The following LIMS2 variants were observed in gnomAD, a reference collection of about 807,000 sequenced individuals.
LIMS2 encodes LIM zinc finger domain containing 2, also known as LIM and senescent cell antigen-like-containing domain protein 2.
In LIMS2, 30 loss-of-function variants were observed where a neutral mutation model predicts 45.3. The observed-to-expected ratio is 0.66, with a 90% CI of 0.50 to 0.90. The LOEUF is 0.90. Among genes scored for constraint, LIMS2 ranks in the 40% least tolerant of loss-of-function variants. The pLI is 0.00. For missense variants in LIMS2, 485 were observed against 468.7 expected (o/e 1.03, Z -0.32); for synonymous variants, 173 against 188.0 (o/e 0.92, Z 0.65).
Position 127,675,002 on chromosome 2 carries a change from G to GT in LIMS2, c.11+11_11+12insA. 8.1e-7 allele frequency: 1 copy of GT among 1,229,812 alleles called. No homozygotes were observed. The highest frequency in any genetic ancestry group is 1.0e-6 in the Non-Finnish European group (1 of 985,564). 76.2% of individuals were successfully genotyped at this position (1,229,812 alleles called of 1,614,324 possible). A position where few individuals can be genotyped will look rare whatever the true frequency, so the allele number is the denominator to read the frequency against. ...GCCTCCCCGGCCCGGGGGCGTGGGT[G>GT]GGGGCCGTTACCTTCCCGTCATGGT... On this transcript the variant is annotated intron_variant, in intron 1 of 9. Coordinates refer to ENST00000355119, the MANE Select transcript of LIMS2 (RefSeq NM_001161403.3).
At position 127,647,561 on chromosome 2, in the gene LIMS2, C is replaced by T. The variant is rs1330449105; in HGVS notation, c.360-4489G>A. Among the ~76,000 whole-genome samples the T allele has an allele frequency of 6.6e-6, 1 of 152,138 alleles. No homozygotes were observed. The highest frequency in any genetic ancestry group is 2.4e-5 in the African/African-American group (1 of 41,434). On this transcript the variant is annotated intron_variant, in intron 4 of 9. Coordinates refer to ENST00000355119, the MANE Select transcript of LIMS2 (RefSeq NM_001161403.3). This position sits in a 1 kb window ranked among gnomAD's most constrained non-coding sequence, Gnocchi z 4.3. ...GTGATGCCTGCACTGTGGGGCACAG[C>T]ACAGGCCTGAGGGACAGCCTGGGGT...
intron 2 of LIMS2, among the ~76,000 whole-genome samples, chr2:127,656,672 C>G (rs1684277774): frequency 6.6e-6 from 1 of 152,220 alleles, no homozygotes; most frequent in Non-Finnish European, 1.5e-5. Flanking sequence ...GCCTCCGCCT[C>G]CCAAAGTGCT....
chr2:127,672,391 G>A lies in LIMS2; in HGVS notation c.11+2623C>T. Among the ~76,000 whole-genome samples the A allele has an allele frequency of 6.6e-6, 1 of 152,010 alleles. No individual in the cohort carries two copies. The highest frequency in any genetic ancestry group is 1.9e-4 in the East Asian group (1 of 5,184). ...GGCTGCCTTCACTCCCTGCCCAGCTGGCTACTCCTGGGCTTCAGCCCCTCC... is the reference window on the plus strand; with the variant it reads ...GGCTGCCTTCACTCCCTGCCCAGCTAGCTACTCCTGGGCTTCAGCCCCTCC... On this transcript the variant is annotated intron_variant, in intron 1 of 9. Coordinates refer to ENST00000355119, the MANE Select transcript of LIMS2 (RefSeq NM_001161403.3). The surrounding 1 kb of genome is among the most constrained non-coding windows in gnomAD (Gnocchi z 4.9).
At chr2:127,657,273 A>G (rs1684319318) in intron 2 of LIMS2, 130 bp downstream of exon 2, 1 of 1,061,984 alleles carries the variant, frequency 9.4e-7, no homozygotes. Context: ...CAGGAGCTCA[A>G]GCCTGGTTCT....
At chr2:127,673,790 G>T in intron 1 of LIMS2, 1 of 1,530,446 alleles carries the variant, frequency 6.5e-7, no homozygotes, top group Non-Finnish European at 8.9e-7. Context: ...GGGATGCTCT[G>T]AGGAAAATGG....
Position 127,645,767 on chromosome 2 carries a change from C to T in LIMS2, c.360-2695G>A, listed in dbSNP as rs1380750053. On this transcript the variant is annotated intron_variant, in intron 4 of 9. Coordinates refer to ENST00000355119, the MANE Select transcript of LIMS2 (RefSeq NM_001161403.3). ...CCTCCCACCCTCCGTTCACAGGCCC[C>T]CTCCGCCGTCTGCGGGCGCAGGCCT... 2.0e-5 allele frequency: 3 copies of T among 152,282 alleles called. No homozygotes were observed. In the East Asian group the frequency reaches 5.8e-4, roughly 29 times the overall value. 9.4% of individuals were successfully genotyped at this position (152,282 alleles called of 1,614,324 possible). A position where few individuals can be genotyped will look rare whatever the true frequency, so the allele number is the denominator to read the frequency against.
intron 4 of LIMS2, among the ~76,000 whole-genome samples, chr2:127,645,073 A>AACAC (rs1352338217): frequency 6.6e-6 from 1 of 152,074 alleles, no homozygotes; most frequent in African/African-American, 2.4e-5. Flanking sequence ...AGAAAAACAA[A>AACAC]ACACACACAC....
At chr2:127,678,453 G>A (rs2105353350), upstream of LIMS2, among the ~76,000 whole-genome samples, 1 of 152,336 alleles carries the variant, frequency 6.6e-6, no homozygotes, top group Middle Eastern at 3.4e-3. The surrounding 1 kb of genome is among the most constrained non-coding windows in gnomAD (Gnocchi z 5.3). Context: ...GTCCCTAGCT[G>A]CTGTGTGGCC....
Position 127,638,963 on chromosome 2 carries a change from G to A in LIMS2, c.*318C>T. The A allele has an allele frequency of 3.0e-6, 1 of 329,052 alleles. No homozygotes were observed. Among genetic ancestry groups the A allele is most frequent in the East Asian group, 6.9e-5 (1 of 14,454 alleles). The allele number at this position is 329,052 out of a possible 1,614,324, so 20.4% of individuals were successfully genotyped here. ...CCTGGGGAGGGCCAGGCCAGGCGGG[G>A]AGCTGTGGTGCAATTTGCTCCTGTC... On this transcript the variant is annotated 3_prime_UTR_variant, in exon 10 of 10. Coordinates refer to ENST00000355119, the MANE Select transcript of LIMS2 (RefSeq NM_001161403.3).
chr2:127,643,548 T>C (rs971246415), intron 4 of LIMS2: 2 of 456,660 alleles, frequency 4.4e-6, no homozygotes, highest in Admixed American at 2.3e-5. Flanking sequence ...GTACAGGCGA[T>C]TTCTGTCTCC....
chr2:127,649,852 C>T lies in LIMS2; in HGVS notation c.359+4572G>A, dbSNP rs192775521. On this transcript the variant is annotated intron_variant, in intron 4 of 9. Transcript: ENST00000355119. Reference sequence around the variant, plus strand: ...GGGGCTGCAGATCCGTCCTCAACAGCGCTGGCCAGTGTCTCTGACGCTGGG... The same window carrying T: ...GGGGCTGCAGATCCGTCCTCAACAGTGCTGGCCAGTGTCTCTGACGCTGGG... 2.5e-3 allele frequency: 1,644 copies of T among 648,294 alleles called. 22 individuals carry two copies. In the East Asian group the frequency reaches 0.026, roughly 10 times the overall value. The allele number at this position is 648,294 out of a possible 1,614,324, so 40.2% of individuals were successfully genotyped here. A position where few individuals can be genotyped will look rare whatever the true frequency, so the allele number is the denominator to read the frequency against.
chr2:127,641,074 C>T (rs1682361011), intron 6 of LIMS2, 86 bp from the exon 7 acceptor site: 2 of 1,080,932 alleles, frequency 1.9e-6, no homozygotes, highest in African/African-American at 3.1e-5. Context: ...CAACAGTGAC[C>T]CCAGGAGCCA....
In LIMS2 at chr2:127,664,285, GC is replaced by G; in HGVS notation, c.12-6724del. On this transcript the variant is annotated intron_variant, in intron 1 of 9. Coordinates refer to ENST00000355119, the MANE Select transcript of LIMS2 (RefSeq NM_001161403.3). The surrounding 1 kb of genome is among the most constrained non-coding windows in gnomAD (Gnocchi z 5.5). ...TTTCCGGCCATTGTCCCCGCCACCC[GC>G]CCCGCCCCTGGCCACCTACCCCGTG... 1.6e-6 allele frequency: 2 copies of G among 1,232,954 alleles called. No individual in the cohort carries two copies. The highest frequency in any genetic ancestry group is 3.7e-5 in the South Asian group (1 of 27,378). The allele number at this position is 1,232,954 out of a possible 1,614,324, so 76.4% of individuals were successfully genotyped here. A position where few individuals can be genotyped will look rare whatever the true frequency, so the allele number is the denominator to read the frequency against.
At position 127,667,949 on chromosome 2, in the gene LIMS2, A is replaced by G. The variant is rs1389344656; in HGVS notation, c.11+7065T>C. On this transcript the variant is annotated intron_variant, in intron 1 of 9. Transcript: ENST00000355119. The surrounding 1 kb of genome is among the most constrained non-coding windows in gnomAD (Gnocchi z 4.1). ...GAAAACTCGGAAGAATCCCTCCTCAAAAAAAGAAACCCTATTTACAGATAA... is the reference window on the plus strand; with the variant it reads ...GAAAACTCGGAAGAATCCCTCCTCAGAAAAAGAAACCCTATTTACAGATAA... Among the ~76,000 whole-genome samples the G allele has an allele frequency of 1.3e-5, 2 of 152,228 alleles. No individual in the cohort carries two copies. The highest frequency in any genetic ancestry group is 1.3e-4 in the Admixed American group (2 of 15,288).
In LIMS2 at chr2:127,667,462, A is replaced by G. The variant is rs1278150855; in HGVS notation, c.11+7552T>C. Among the ~76,000 whole-genome samples, 2 of 152,232 alleles carry G rather than the reference A, an allele frequency of 1.3e-5. No homozygotes were observed. The highest frequency in any genetic ancestry group is 4.8e-5 in the African/African-American group (2 of 41,452). On this transcript the variant is annotated intron_variant, in intron 1 of 9. Coordinates refer to ENST00000355119, the MANE Select transcript of LIMS2 (RefSeq NM_001161403.3). The surrounding 1 kb of genome is among the most constrained non-coding windows in gnomAD (Gnocchi z 4.1). The stretch of plus-strand genomic sequence containing the variant: ...GATGCAAATGTCCTCGATAAAATAC[A>G]ATAAATCTAACACTCTATAAAAAGT...
At chr2:127,643,207 G>A (rs1682613062) in intron 4 of LIMS2, 135 bp from the exon 5 acceptor site, 1 of 951,850 alleles carries the variant, frequency 1.1e-6, no homozygotes, top group Admixed American at 2.6e-5. Context: ...CCAGGGTATG[G>A]GAAAGCAGAC....
chr2:127,663,551 C>T (rs1684813265), intron 1 of LIMS2, among the ~76,000 whole-genome samples: 2 of 152,278 alleles, frequency 1.3e-5, no homozygotes, highest in African/African-American at 2.4e-5. Context: ...CCCTGGGTGG[C>T]ACTGGCCTTC....
intron 1 of LIMS2, among the ~76,000 whole-genome samples, chr2:127,660,591 A>C (rs1460716126): frequency 6.6e-6 from 1 of 152,168 alleles, no homozygotes; most frequent in Middle Eastern, 3.2e-3. Flanking sequence ...CCACAACCCC[A>C]CCGGAAGGAA....
intron 4 of LIMS2, chr2:127,648,058 C>T: frequency 1.0e-6 from 1 of 985,760 alleles, no homozygotes; most frequent in Non-Finnish European, 1.2e-6. Context: ...CGGCCCTCAG[C>T]TCTCCGCCCT....
Sources: allele counts gnomAD v4.1 joint callset (sites outside exome capture counted in the v4.1 genomes callset), GRCh38; gene constraint gnomAD v4.1.1; non-coding constraint Gnocchi (gnomAD v3.1); transcripts MANE v1.5; gene names NCBI Gene and HGNC (gene_info 2026-07-23, HGNC 2026-07-21).